Variants in QTMAN observed in about 807,000 individuals in gnomAD.
The protein encoded by QTMAN is queuosine-tRNA mannosyltransferase.
the QTMAN span, among the ~76,000 whole-genome samples, chr2:144,166,075 G>T: frequency 6.6e-6 from 1 of 151,956 alleles, no homozygotes; most frequent in South Asian, 2.1e-4. Flanking sequence ...AACCTGTGCT[G>T]GTCTCCACCC....
At chr2:144,001,265 T>C in the QTMAN span, among the ~76,000 whole-genome samples, 2 of 151,974 alleles carry the variant, frequency 1.3e-5, no homozygotes, top group East Asian at 3.9e-4. Flanking sequence ...ATATCAATCA[T>C]ATATTTTGTT....
At chr2:144,257,906 A>C in the QTMAN span, among the ~76,000 whole-genome samples, 2 of 152,222 alleles carry the variant, frequency 1.3e-5, no homozygotes, top group Non-Finnish European at 2.9e-5. Context: ...TTCCAGTCTA[A>C]AAGAAGTGAT....
At chr2:144,182,817 A>T in the QTMAN span, among the ~76,000 whole-genome samples, 6 of 62,350 alleles carry the variant, frequency 9.6e-5, no homozygotes, top group African/African-American at 4.8e-4. Context: ...TAATATATAT[A>T]TTATATATAT....
chr2:144,048,234 G>A, the QTMAN span, among the ~76,000 whole-genome samples: 1 of 152,162 alleles, frequency 6.6e-6, no homozygotes, highest in African/African-American at 2.4e-5. Context: ...ATACAGCCAA[G>A]TGATCAGCTC....
At chr2:143,954,825 T>C in the QTMAN span, among the ~76,000 whole-genome samples, 1 of 152,132 alleles carries the variant, frequency 6.6e-6, no homozygotes, top group Non-Finnish European at 1.5e-5. Flanking sequence ...TCTTAGGCAC[T>C]ACCAGTTAAA....
At chr2:144,264,904 C>T in the QTMAN span, among the ~76,000 whole-genome samples, 2 of 152,296 alleles carry the variant, frequency 1.3e-5, no homozygotes, top group Admixed American at 6.5e-5. Flanking sequence ...AGAGAAGGAG[C>T]GCAATGGTCA....
chr2:144,090,513 C>T, the QTMAN span, among the ~76,000 whole-genome samples: 6 of 151,652 alleles, frequency 4.0e-5, no homozygotes, highest in East Asian at 3.9e-4. Flanking sequence ...TTTAAAAATG[C>T]GAAACTGATG....
chr2:144,183,951 T>C, the QTMAN span, among the ~76,000 whole-genome samples: 2 of 152,078 alleles, frequency 1.3e-5, no homozygotes, highest in African/African-American at 2.4e-5. Context: ...ATGCAAATCA[T>C]GCAAACCACC....
the QTMAN span, among the ~76,000 whole-genome samples, chr2:144,102,780 G>A: frequency 6.6e-6 from 1 of 152,152 alleles, no homozygotes; most frequent in East Asian, 1.9e-4. Flanking sequence ...CTAGCACCCA[G>A]CACATTGCTT....
At chr2:144,203,507 A>G in the QTMAN span, among the ~76,000 whole-genome samples, 2 of 152,164 alleles carry the variant, frequency 1.3e-5, no homozygotes, top group African/African-American at 2.4e-5. Context: ...GAAACAAACC[A>G]AAAGAAGACC....
At chr2:144,007,456 C>T in the QTMAN span, 1 of 1,613,152 alleles carries the variant, frequency 6.2e-7, no homozygotes, top group Non-Finnish European at 8.5e-7. Flanking sequence ...AAAGGAAGGG[C>T]CATGGACAGA....
chr2:144,122,230 T>C, the QTMAN span, among the ~76,000 whole-genome samples: 1 of 152,170 alleles, frequency 6.6e-6, no homozygotes, highest in Admixed American at 6.5e-5. Context: ...AGCTACACAT[T>C]TAAAACTGAC....
chr2:144,007,233 C>T, the QTMAN span: 462 of 1,611,182 alleles, frequency 2.9e-4, 1 homozygote, highest in Admixed American at 2.5e-4. Flanking sequence ...ATCAACTCCA[C>T]CCAAAATGTC....
the QTMAN span, among the ~76,000 whole-genome samples, chr2:143,961,718 G>C: frequency 1.3e-5 from 2 of 152,088 alleles, no homozygotes; most frequent in Non-Finnish European, 2.9e-5. Flanking sequence ...CTTGCCTTAA[G>C]AGTGGCAATG....
chr2:144,077,841 T>C, the QTMAN span, among the ~76,000 whole-genome samples: 3 of 152,220 alleles, frequency 2.0e-5, no homozygotes, highest in Admixed American at 1.3e-4. Context: ...AATGATTTTC[T>C]TTGCAAATTT....
chr2:144,330,723 C>A, the QTMAN span, among the ~76,000 whole-genome samples: 1 of 152,068 alleles, frequency 6.6e-6, no homozygotes, highest in South Asian at 2.1e-4. Flanking sequence ...AACTTTAGTA[C>A]CATAATCAAA....
At chr2:144,058,397 T>A in the QTMAN span, among the ~76,000 whole-genome samples, 2 of 152,148 alleles carry the variant, frequency 1.3e-5, no homozygotes, top group African/African-American at 2.4e-5. Flanking sequence ...AAAATAAATT[T>A]AAGAGTGCCC....
chr2:144,070,072 G>C, the QTMAN span, among the ~76,000 whole-genome samples: 1 of 151,914 alleles, frequency 6.6e-6, no homozygotes, highest in African/African-American at 2.4e-5. Flanking sequence ...ACGTGCTTCT[G>C]GAAACTTATT....
At chr2:144,043,698 A>C in the QTMAN span, among the ~76,000 whole-genome samples, 1 of 151,982 alleles carries the variant, frequency 6.6e-6, no homozygotes, top group Non-Finnish European at 1.5e-5. Context: ...TTTCACTGTC[A>C]CTTTTGGCTA....
Sources: allele counts gnomAD v4.1 joint callset (sites outside exome capture counted in the v4.1 genomes callset), GRCh38; gene constraint gnomAD v4.1.1; transcripts MANE v1.5; gene names NCBI Gene and HGNC (gene_info 2026-07-23, HGNC 2026-07-21).